Variants in ACER3 observed in about 807,000 individuals in gnomAD.
ACER3 encodes the protein alkCDase 3.
In ACER3, 16 loss-of-function variants were observed where a neutral mutation model predicts 48.9. The ratio of observed to expected loss-of-function variants is 0.33; its 90% CI spans 0.22 to 0.50. The LOEUF is 0.50. ACER3 is among the 20% of genes least tolerant of loss of function. ACER3 has a pLI of 0.98. For missense variants in ACER3, 227 were observed against 326.0 expected (o/e 0.70, Z 2.34); for synonymous variants, 109 against 107.8 (o/e 1.01, Z -0.07).
At chr11:76,924,285 A>C (rs181999207) in intron 1 of ACER3, among the ~76,000 whole-genome samples, 57 of 152,278 alleles carry the variant, frequency 3.7e-4, no homozygotes, top group African/African-American at 1.3e-3. Flanking sequence ...GTAAGAGGAT[A>C]AATCTGGTTC....
At chr11:77,020,156 C>A in intron 10 of ACER3, 118 bp from the exon 11 acceptor site, 2 of 990,542 alleles carry the variant, frequency 2.0e-6, no homozygotes, top group Non-Finnish European at 3.1e-6. Context: ...AATACCAGGA[C>A]AATCACTAGC....
intron 9 of ACER3, among the ~76,000 whole-genome samples, chr11:77,017,787 T>C (rs189264773): frequency 2.5e-4 from 38 of 152,280 alleles, no homozygotes; most frequent in Admixed American, 2.2e-3. Context: ...GTAGAAAGTT[T>C]GTGGCAGTCC....
intron 2 of ACER3, among the ~76,000 whole-genome samples, chr11:76,932,199 C>A (rs886828326): frequency 6.6e-6 from 1 of 152,170 alleles, no homozygotes; most frequent in African/African-American, 2.4e-5. Context: ...ATCTTCCTGC[C>A]GTGGCCTCCC....
chr11:76,950,383 A>G (rs1446219212), intron 2 of ACER3, among the ~76,000 whole-genome samples: 4 of 28,776 alleles, frequency 1.4e-4, no homozygotes, highest in Non-Finnish European at 3.3e-4. Context: ...ATATATATAT[A>G]TATATATATA....
At chr11:76,887,811 C>CTTTTTTTT in intron 1 of ACER3, among the ~76,000 whole-genome samples, 1 of 87,184 alleles carries the variant, frequency 1.1e-5, no homozygotes, top group Non-Finnish European at 2.3e-5. Context: ...CTATAGGTAA[C>CTTTTTTTT]TTTTTTTTTT....
In ACER3 at chr11:76,903,435, C is replaced by T. The variant is rs1483275818; in HGVS notation, c.104-23122C>T. Among the ~76,000 whole-genome samples the T allele has an allele frequency of 1.3e-4, 19 of 141,688 alleles. No homozygotes were observed. In the South Asian group the frequency reaches 4.5e-3, roughly 33 times the overall value. The allele number at this position is 141,688 out of a possible 152,430, so 93.0% of individuals were successfully genotyped here. A position where few individuals can be genotyped will look rare whatever the true frequency, so the allele number is the denominator to read the frequency against. ...TTGCCTTCAACTAAATGAATGGAAA[C>T]GCCCCTCCCACCCCCCCACCCGCCC... On this transcript the variant is annotated intron_variant, in intron 1 of 10. Transcript: ENST00000532485.
intron 1 of ACER3, among the ~76,000 whole-genome samples, chr11:76,919,965 G>A (rs1041488568): frequency 1.3e-5 from 2 of 152,152 alleles, no homozygotes; most frequent in African/African-American, 4.8e-5. Context: ...TTCATTGCAT[G>A]GTTGGTGAAA....
At chr11:77,008,904 T>C (rs544974305) in intron 7 of ACER3, among the ~76,000 whole-genome samples, 2 of 151,850 alleles carry the variant, frequency 1.3e-5, no homozygotes, top group South Asian at 4.2e-4. Flanking sequence ...AAAAAGAAAT[T>C]TAAAAATTAG....
rs782703815 is a variant in ACER3, at chr11:77,020,343, A to C, written c.*16A>C. The C allele has an allele frequency of 1.2e-6, 2 of 1,612,806 alleles. No homozygotes were observed. The highest frequency in any genetic ancestry group is 1.7e-6 in the Non-Finnish European group (2 of 1,179,562). On this transcript the variant is annotated 3_prime_UTR_variant, in exon 11 of 11. Transcript: ENST00000532485. ...GAAGCATTGATGAATCATTCCACCA[A>C]GAAAACAAACAAGCACCTACCATAG...
At chr11:77,016,808 T>A in intron 9 of ACER3, 29 bp downstream of exon 9, 1 of 1,256,186 alleles carries the variant, frequency 8.0e-7, no homozygotes, top group Non-Finnish European at 1.1e-6. Flanking sequence ...TTTAGCCTCG[T>A]ACTAGAGTTT....
intron 1 of ACER3, among the ~76,000 whole-genome samples, chr11:76,896,156 T>C (rs971184877): frequency 2.6e-5 from 4 of 152,278 alleles, no homozygotes; most frequent in African/African-American, 9.6e-5. Flanking sequence ...CTTGTTAGAA[T>C]AGGAAAACTT....
intron 3 of ACER3, among the ~76,000 whole-genome samples, chr11:76,969,951 T>G (rs956064224): frequency 6.3e-5 from 6 of 94,926 alleles, no homozygotes; most frequent in Non-Finnish European, 9.5e-5. Flanking sequence ...ATAATAATAA[T>G]AAAATTAAAA....
chr11:76,865,664 A>G (rs1418773755), intron 1 of ACER3, among the ~76,000 whole-genome samples: 3 of 151,464 alleles, frequency 2.0e-5, no homozygotes, highest in South Asian at 2.1e-4. Context: ...GTGCACCACC[A>G]TGCCCAGCTA....
chr11:76,861,090 C>A lies in ACER3; in HGVS notation c.103+11C>A. The A allele has an allele frequency of 1.3e-6, 2 of 1,536,874 alleles. No homozygotes were observed. On this transcript the variant is annotated intron_variant, in intron 1 of 10. Transcript: ENST00000532485. ...ACATCGCCGAGTTCTGTGAGTGTGGCCTGAGGAGGGGAGTGGGGGCGAGAG... is the reference window on the plus strand; with the variant it reads ...ACATCGCCGAGTTCTGTGAGTGTGGACTGAGGAGGGGAGTGGGGGCGAGAG...
intron 1 of ACER3, among the ~76,000 whole-genome samples, chr11:76,883,986 T>C (rs1244625823): frequency 6.6e-6 from 1 of 152,238 alleles, no homozygotes; most frequent in Non-Finnish European, 1.5e-5. Flanking sequence ...CAAAATGTTC[T>C]AGGATCTCTA....
intron 1 of ACER3, chr11:76,868,344 A>G: frequency 8.4e-7 from 1 of 1,193,976 alleles, no homozygotes; most frequent in South Asian, 1.4e-5. Context: ...TGAAAGGACA[A>G]ATTGAGTGTA....
chr11:76,935,202 T>C (rs1947143491), intron 2 of ACER3, among the ~76,000 whole-genome samples: 1 of 151,188 alleles, frequency 6.6e-6, no homozygotes, highest in African/African-American at 2.4e-5. Flanking sequence ...TAAAAGGAGA[T>C]AAAGAAATAA....
At chr11:76,924,982 A>AAAAAG in intron 1 of ACER3, among the ~76,000 whole-genome samples, 1 of 150,746 alleles carries the variant, frequency 6.6e-6, no homozygotes, top group African/African-American at 2.4e-5. Flanking sequence ...TCAAAAAAAA[A>AAAAAG]AAAAAAAAAA....
chr11:76,972,558 T>TA (rs950570142), intron 3 of ACER3, among the ~76,000 whole-genome samples: 2 of 152,064 alleles, frequency 1.3e-5, no homozygotes, highest in African/African-American at 4.8e-5. Context: ...TTCTTTTTTT[T>TA]AACATCAATT....
Sources: gnomAD v4.1 joint callset for allele counts (sites outside exome capture counted in the v4.1 genomes callset) on GRCh38, gnomAD v4.1.1 for gene constraint, MANE v1.5 for transcripts, NCBI Gene and HGNC (gene_info 2026-07-23, HGNC 2026-07-21) for gene names.